CDO1: variants seen among roughly 807,000 people sequenced by gnomAD.
CDO1 encodes the protein cysteine dioxygenase type 1.
Under a neutral mutation model 24.5 loss-of-function variants are expected in CDO1, and 19 were observed. The observed-to-expected ratio is 0.77, with a 90% CI of 0.54 to 1.14. The LOEUF (loss-of-function observed/expected upper bound fraction) is 1.14. CDO1 is among the 50% of genes most tolerant of loss of function. CDO1 has a pLI of 0.00. For missense variants in CDO1, 244 were observed against 244.8 expected (o/e 1.00, Z 0.02); for synonymous variants, 91 against 87.0 (o/e 1.05, Z -0.26).
At chr5:115,809,987 T>C (rs1320069181) in intron 3 of CDO1, among the ~76,000 whole-genome samples, 1 of 152,180 alleles carries the variant, frequency 6.6e-6, no homozygotes, top group African/African-American at 2.4e-5. Flanking sequence ...CTATAGGTTT[T>C]TGCATTGAAG....
At chr5:115,814,855 G>A (rs538212386) in intron 1 of CDO1, among the ~76,000 whole-genome samples, 1 of 152,262 alleles carries the variant, frequency 6.6e-6, no homozygotes, top group African/African-American at 2.4e-5. Context: ...TTCCTCATAT[G>A]TGTCAAGTGT....
Position 115,816,417 on chromosome 5 carries a change from G to A in CDO1, c.-20C>T. The A allele has an allele frequency of 6.2e-7, 1 of 1,609,864 alleles. No homozygotes were observed. Among genetic ancestry groups the A allele is most frequent in the South Asian group, 1.1e-5 (1 of 91,020 alleles). On this transcript the variant is annotated 5_prime_UTR_variant, in exon 1 of 5. Coordinates refer to ENST00000250535, the MANE Select transcript of CDO1 (RefSeq NM_001801.3). ...TTCCATCTCGTGGGGAGCTGGCTGC[G>A]CGCGCGTCTCACTGCTGGGCTGCGG... is the stretch of plus-strand genomic sequence containing the variant.
intron 3 of CDO1, among the ~76,000 whole-genome samples, chr5:115,806,739 A>G (rs1355254808): frequency 6.6e-6 from 1 of 152,268 alleles, no homozygotes; most frequent in Admixed American, 6.5e-5. Flanking sequence ...AATAAAAAAG[A>G]CATCAATATA....
intron 1 of CDO1, 55 bp downstream of exon 1, chr5:115,816,173 C>T (rs930457172): frequency 2.6e-6 from 4 of 1,567,010 alleles, no homozygotes. Flanking sequence ...ACGTCCATTC[C>T]TCCTCAGACG....
At chr5:115,815,671 G>T (rs1458335546) in intron 1 of CDO1, among the ~76,000 whole-genome samples, 1 of 152,178 alleles carries the variant, frequency 6.6e-6, no homozygotes, top group Non-Finnish European at 1.5e-5. Flanking sequence ...GCGACCGAAG[G>T]CGCAGTGATG....
chr5:115,813,295 G>A (rs368588173), intron 1 of CDO1, 37 bp from the exon 2 acceptor site: 15 of 1,168,308 alleles, frequency 1.3e-5, no homozygotes, highest in Middle Eastern at 1.9e-4. Context: ...TTTTAAGTTC[G>A]TTGCTGAAAC....
rs1760461497 is a variant in CDO1 at position 115,816,539 on chromosome 5, T to C, written c.-142A>G. ...CACACGCACAAACCCAGCATTAGAG[T>C]GCCGAAACGTAAGGATGTCGTCGCA... On this transcript the variant is annotated 5_prime_UTR_variant, in exon 1 of 5. Transcript: ENST00000250535. The C allele has an allele frequency of 2.3e-6, 2 of 881,854 alleles. No homozygotes were observed. 54.6% of individuals were successfully genotyped at this position (881,854 alleles called of 1,614,324 possible). A position where few individuals can be genotyped will look rare whatever the true frequency, so the allele number is the denominator to read the frequency against.
chr5:115,815,713 A>G (rs1047076368), intron 1 of CDO1, among the ~76,000 whole-genome samples: 2 of 152,176 alleles, frequency 1.3e-5, no homozygotes, highest in African/African-American at 4.8e-5. Flanking sequence ...GTCTTCTTCA[A>G]CATCACACAC....
intron 4 of CDO1, 32 bp downstream of exon 4, chr5:115,806,317 G>A: frequency 6.5e-7 from 1 of 1,534,672 alleles, no homozygotes; most frequent in Non-Finnish European, 8.9e-7. Context: ...CCAACCTACA[G>A]AGCATTTAAA....
In CDO1 at chr5:115,806,433, T is replaced by C. The variant is rs753528832; in HGVS notation, c.489A>G (p.Thr163=). ...SLHLYSPPFD[T]CHAFDQRTGH... ...CTGTTCTTTGATCAAAGGCATGGCA[T>C]GTATCAAAAGGTGGACTGTACAAGT... The change falls in exon 4 of 5, where the codon ACA becomes ACG. Residue 163 remains threonine, a synonymous_variant. Coordinates refer to ENST00000250535, the MANE Select transcript of CDO1 (RefSeq NM_001801.3). 56 of 1,612,700 alleles carry C rather than the reference T, an allele frequency of 3.5e-5. No homozygotes were observed. Among genetic ancestry groups the C allele is most frequent in the Middle Eastern group, 1.6e-4 (1 of 6,084 alleles).
chr5:115,809,611 A>T (rs1302071446), intron 3 of CDO1: 1 of 152,002 alleles, frequency 6.6e-6, no homozygotes, highest in Non-Finnish European at 1.5e-5. Context: ...CATTTTTTAC[A>T]ACAATTGTAC....
In CDO1 at chr5:115,816,566, A is replaced by G; in HGVS notation, c.-169T>C. On this transcript the variant is annotated 5_prime_UTR_variant, in exon 1 of 5. Transcript: ENST00000250535. ...CCGAAACGTAAGGATGTCGTCGCAG[A>G]GACAGCAAGAGACCCACCCCCAGGC... is the stretch of plus-strand genomic sequence containing the variant. 1 of 688,576 alleles carries G rather than the reference A, an allele frequency of 1.5e-6. No homozygotes were observed. The allele number at this position is 688,576 out of a possible 1,614,324, so 42.7% of individuals were successfully genotyped here.
chr5:115,806,269 A>G, intron 4 of CDO1, 80 bp downstream of exon 4: 3 of 841,388 alleles, frequency 3.6e-6, no homozygotes, highest in Non-Finnish European at 3.6e-6. Flanking sequence ...ATGAATTAAG[A>G]CTCATCTCAT....
chr5:115,810,739 G>A (rs1760152187), intron 3 of CDO1, among the ~76,000 whole-genome samples: 3 of 152,082 alleles, frequency 2.0e-5, no homozygotes, highest in African/African-American at 7.2e-5. Flanking sequence ...AATTTCCCTC[G>A]AGGATACTTT....
At chr5:115,812,233 T>G (rs1247197656) in intron 2 of CDO1, among the ~76,000 whole-genome samples, 1 of 152,204 alleles carries the variant, frequency 6.6e-6, no homozygotes, top group Non-Finnish European at 1.5e-5. Context: ...CAGACCTAAC[T>G]TTCCAAACAC....
intron 4 of CDO1, 91 bp from the exon 5 acceptor site, chr5:115,805,553 T>A: frequency 8.1e-7 from 1 of 1,233,776 alleles, no homozygotes; most frequent in Non-Finnish European, 1.2e-6. Context: ...TGTAGCAGTG[T>A]ATGAAAACTC....
chr5:115,806,298 G>GTC (rs1759941151), intron 4 of CDO1, 51 bp downstream of exon 4: 2 of 1,329,318 alleles, frequency 1.5e-6, no homozygotes, highest in Admixed American at 4.5e-5. Flanking sequence ...TACATGCAGT[G>GTC]TAACAGTGCC....
intron 1 of CDO1, among the ~76,000 whole-genome samples, chr5:115,814,684 A>C (rs1760349860): frequency 6.6e-6 from 1 of 152,156 alleles, no homozygotes; most frequent in Admixed American, 6.5e-5. Flanking sequence ...TTGAAAATAC[A>C]CTTGTTCTAA....
Position 115,816,630 on chromosome 5 carries a change from G to A in CDO1, c.-233C>T, listed in dbSNP as rs1051892786. 5.4e-6 allele frequency: 3 copies of A among 553,466 alleles called. No homozygotes were observed. Among genetic ancestry groups the A allele is most frequent in the African/African-American group, 1.9e-5 (1 of 52,702 alleles). The allele number at this position is 553,466 out of a possible 1,614,324, so 34.3% of individuals were successfully genotyped here. Reference sequence around the variant, plus strand: ...GTGGATCCGGGATCGCTGGAGACGCGGTGCACACACAAATCAGGTTCAGAT... The same window carrying A: ...GTGGATCCGGGATCGCTGGAGACGCAGTGCACACACAAATCAGGTTCAGAT... On this transcript the variant is annotated 5_prime_UTR_variant, in exon 1 of 5. Coordinates refer to ENST00000250535, the MANE Select transcript of CDO1 (RefSeq NM_001801.3).
Sources: gnomAD v4.1 joint callset for allele counts (sites outside exome capture counted in the v4.1 genomes callset) on GRCh38, gnomAD v4.1.1 for gene constraint, MANE v1.5 for transcripts, NCBI Gene and HGNC (gene_info 2026-07-23, HGNC 2026-07-21) for gene names.